ANK2: variants seen among roughly 807,000 people sequenced by gnomAD.
The protein encoded by ANK2 is ankyrin 2.
In ANK2, 83 loss-of-function variants were observed where a neutral mutation model predicts 360.5. The observed-to-expected ratio is 0.23, with a 90% CI of 0.19 to 0.28. The LOEUF (loss-of-function observed/expected upper bound fraction) is 0.28. Ranked by LOEUF, ANK2 falls within the 10% of genes least tolerant of loss-of-function variation. The pLI, the probability that ANK2 is intolerant of heterozygous loss-of-function variation, is 1.00. For missense variants in ANK2, 4,201 were observed against 4,795.7 expected, an observed-to-expected ratio of 0.88 and a Z score of 3.66; for synonymous variants, 1,740 against 1,759.5, an observed-to-expected ratio of 0.99 and a Z score of 0.28.
At chr4:113,269,589 C>T (rs1376769421) in intron 14 of ANK2, among the ~76,000 whole-genome samples, 1 of 152,204 alleles carries the variant, frequency 6.6e-6, no homozygotes, top group Non-Finnish European at 1.5e-5. Flanking sequence ...TTTGGCTTGC[C>T]CTCCATGGGC....
chr4:113,029,838 T>C (rs1057154354), intron 2 of ANK2, among the ~76,000 whole-genome samples: 1 of 152,118 alleles, frequency 6.6e-6, no homozygotes, highest in Non-Finnish European at 1.5e-5. Flanking sequence ...TATGGAGATG[T>C]CTATTGACCT....
At chr4:112,939,525 G>A (rs961439415) in intron 2 of ANK2, among the ~76,000 whole-genome samples, 14 of 151,618 alleles carry the variant, frequency 9.2e-5, no homozygotes, top group African/African-American at 3.4e-4. Context: ...ATGTTGGCCA[G>A]GCTGGTCTCA....
chr4:113,173,078 C>G (rs2153223809), intron 1 of ANK2, among the ~76,000 whole-genome samples: 1 of 152,290 alleles, frequency 6.6e-6, no homozygotes, highest in East Asian at 1.9e-4. Context: ...GGCATGAATT[C>G]TGGATGTATA....
rs529242094 is a variant in ANK2 at position 112,990,604 on chromosome 4, A to G, written c.21+86090A>G. 1.8e-4 allele frequency among the ~76,000 whole-genome samples: 28 copies of G among 152,204 alleles called. 1 individual carries two copies. The highest frequency in any genetic ancestry group is 5.2e-4 in the Admixed American group (8 of 15,286). On this transcript the variant is annotated intron_variant, in intron 2 of 30. Transcript: ENST00000503271. The stretch of plus-strand genomic sequence containing the variant: ...TAGCCCTCATCTAGATCAATATTTC[A>G]TGTTTTTAAATGATAGGCATTTCAA...
intron 2 of ANK2, among the ~76,000 whole-genome samples, chr4:113,193,885 A>G (rs1291240630): frequency 6.6e-6 from 1 of 152,226 alleles, no homozygotes; most frequent in Non-Finnish European, 1.5e-5. Context: ...TCATACAATT[A>G]AAGATGTTAT....
intron 2 of ANK2, among the ~76,000 whole-genome samples, chr4:113,185,149 A>T (rs2098494307): frequency 6.6e-6 from 1 of 152,184 alleles, no homozygotes; most frequent in Admixed American, 6.5e-5. Flanking sequence ...TATTGTGAAT[A>T]GTGCTGCAAT....
At position 113,367,763 on chromosome 4, in the gene ANK2, A is replaced by C. The variant is rs372212045; in HGVS notation, c.11230A>C (p.Thr3744Pro). ...DSSATALFPQ[T>P]HKEQVQQDFS... is the part of the protein sequence containing the mutation. Reference sequence around the variant, plus strand: ...CTCAGCAACAGCACTCTTTCCCCAAACTCACAAGGAGCAAGTTCAACAGGA... The same window carrying C: ...CTCAGCAACAGCACTCTTTCCCCAACCTCACAAGGAGCAAGTTCAACAGGA... Residue 3744 changes from threonine (T) to proline (P), a missense_variant, in exon 42 of 46, where the codon ACT becomes CCT. Thr to Pro is a conservative substitution (Grantham distance 38). Transcript: ENST00000357077. The C allele has an allele frequency of 1.4e-5, 22 of 1,613,906 alleles. No individual in the cohort carries two copies. The African/African-American group carries it at 2.8e-4, about 21-fold the overall frequency.
At chr4:112,887,678 A>C (rs1200488497) in intron 1 of ANK2, among the ~76,000 whole-genome samples, 1 of 152,244 alleles carries the variant, frequency 6.6e-6, no homozygotes, top group South Asian at 2.1e-4. Flanking sequence ...ATGAGTTTTC[A>C]TAGAGGTTTC....
At chr4:113,244,539 A>G (rs1490611277) in intron 9 of ANK2, among the ~76,000 whole-genome samples, 2 of 152,200 alleles carry the variant, frequency 1.3e-5, no homozygotes, top group African/African-American at 2.4e-5. Flanking sequence ...AGGTGTGCAA[A>G]AAGTGGCTCT....
At chr4:113,136,744 A>T (rs934797920) in intron 1 of ANK2, among the ~76,000 whole-genome samples, 3 of 143,618 alleles carry the variant, frequency 2.1e-5, no homozygotes, top group African/African-American at 7.8e-5. Context: ...TCCATACCAC[A>T]TTATTAAGGA....
At position 113,370,579 on chromosome 4, in the gene ANK2, G is replaced by A. The variant is rs1216901401; in HGVS notation, c.11610+774G>A. On this transcript the variant is annotated intron_variant, in intron 43 of 45. Transcript: ENST00000357077. ...TCGAGACCATCCTGGCTAACATGGT[G>A]AAACCTCGTCTCTACTACAAATACA... 2.0e-5 allele frequency among the ~76,000 whole-genome samples: 3 copies of A among 152,180 alleles called. No individual in the cohort carries two copies. In the East Asian group the frequency reaches 5.8e-4, roughly 29 times the overall value.
intron 1 of ANK2, among the ~76,000 whole-genome samples, chr4:113,165,895 A>C (rs1420384632): frequency 2.0e-5 from 3 of 152,134 alleles, no homozygotes; most frequent in Non-Finnish European, 4.4e-5. Context: ...ATCTGACCTA[A>C]AGCTGTAGCA....
intron 2 of ANK2, among the ~76,000 whole-genome samples, chr4:112,909,885 C>G (rs2086532213): frequency 1.3e-5 from 2 of 152,100 alleles, no homozygotes; most frequent in African/African-American, 4.8e-5. Context: ...CCCACAATTT[C>G]TCCATTTAAT....
intron 39 of ANK2, among the ~76,000 whole-genome samples, chr4:113,361,643 C>T (rs530548925): frequency 1.1e-4 from 17 of 150,802 alleles, no homozygotes; most frequent in Non-Finnish European, 2.4e-4. Flanking sequence ...AATAGGAGCC[C>T]ATAATACTCA....
rs980803393 is a variant in ANK2, at chr4:113,330,369, G to A, written c.3024G>A (p.Leu1008=). 1 of 1,614,224 alleles carries A rather than the reference G, an allele frequency of 6.2e-7. No homozygotes were observed. The highest frequency in any genetic ancestry group is 8.5e-7 in the Non-Finnish European group (1 of 1,180,038). Residue 1008 remains leucine (L), a synonymous_variant, in exon 27 of 46, where the codon CTG becomes CTA. Transcript: ENST00000357077. ...CTCCAACGCGAGTCACCTGCCGACT[G>A]GTCAAGCGCCACAGACTGGCAACAA... The part of the protein sequence containing the change: ...CTAPTRVTCR[L]VKRHRLATMP...
At chr4:113,272,692 C>T (rs1337838749) in intron 14 of ANK2, among the ~76,000 whole-genome samples, 1 of 152,016 alleles carries the variant, frequency 6.6e-6, no homozygotes, top group Non-Finnish European at 1.5e-5. Flanking sequence ...AATAACTAAC[C>T]AATTATGTAG....
chr4:112,801,147 T>G, the ANK2 span, among the ~76,000 whole-genome samples: 1 of 152,224 alleles, frequency 6.6e-6, no homozygotes, highest in African/African-American at 2.4e-5. Context: ...AACTGAATCA[T>G]AGTCTGATTT....
At chr4:112,898,171 T>C (rs1180724198) in intron 1 of ANK2, among the ~76,000 whole-genome samples, 2 of 152,184 alleles carry the variant, frequency 1.3e-5, no homozygotes, top group African/African-American at 4.8e-5. Context: ...TATATTAGCA[T>C]GGCATATTTA....
At chr4:113,284,552 ACTTT>A (rs1337083716) in intron 18 of ANK2, among the ~76,000 whole-genome samples, 1 of 152,184 alleles carries the variant, frequency 6.6e-6, no homozygotes, top group Non-Finnish European at 1.5e-5. Flanking sequence ...TAAATACATT[ACTTT>A]CTTTGACAGC....
Sources: allele counts gnomAD v4.1 joint callset (sites outside exome capture counted in the v4.1 genomes callset), GRCh38; gene constraint gnomAD v4.1.1; transcripts MANE v1.5; gene names NCBI Gene and HGNC (gene_info 2026-07-23, HGNC 2026-07-21).